The following GSE1 variants were observed in gnomAD, a reference collection of about 807,000 sequenced individuals.
The protein encoded by GSE1 is Gse1 coiled-coil protein.
Under a neutral mutation model 112.6 loss-of-function variants are expected in GSE1, and 32 were observed. That is an observed-to-expected ratio of 0.28 (90% CI 0.21 to 0.38). GSE1 has a LOEUF of 0.38. Among genes scored for constraint, GSE1 ranks in the 10% least tolerant of loss-of-function variants. The probability of loss-of-function intolerance (pLI) is 1.00; values close to 1 mark genes in which losing one functional copy is unlikely to be tolerated. For synonymous variants in GSE1, 1,115 were observed against 735.6 expected (o/e 1.52, Z -8.35); for missense variants, 2,348 against 1,699.2 (o/e 1.38, Z -6.71).
At chr16:85,402,915 CAA>C (rs35895543) in intron 2 of GSE1, among the ~76,000 whole-genome samples, 26 of 142,396 alleles carry the variant, frequency 1.8e-4, no homozygotes, top group Admixed American at 4.1e-4. Context: ...GACCCTGACT[CAA>C]AAAAAAAAAA....
chr16:85,501,192 C>T (rs111892413), intron 2 of GSE1, among the ~76,000 whole-genome samples: 9,633 of 151,468 alleles, frequency 0.064, 642 homozygotes, highest in East Asian at 0.37. Context: ...TTAGTAGAGA[C>T]GGGCTTTCAC....
intron 1 of GSE1, among the ~76,000 whole-genome samples, chr16:85,199,186 A>T (rs1198406719): frequency 6.6e-6 from 1 of 151,884 alleles, no homozygotes; most frequent in Non-Finnish European, 1.5e-5. Context: ...CAACCTCCTG[A>T]CCTCAGATGA....
At chr16:85,477,311 G>T (rs536939258) in intron 2 of GSE1, among the ~76,000 whole-genome samples, 1 of 152,318 alleles carries the variant, frequency 6.6e-6, no homozygotes, top group East Asian at 1.9e-4. Context: ...GAGCTGCTCA[G>T]TGAAGATTCC....
intron 1 of GSE1, among the ~76,000 whole-genome samples, chr16:85,556,920 A>T (rs1567586003): frequency 4.0e-5 from 6 of 151,816 alleles, no homozygotes; most frequent in Non-Finnish European, 4.4e-5. Context: ...GGGGAAGCTC[A>T]GGAGGGTATT....
chr16:85,222,890 T>TA (rs2075418328), intron 1 of GSE1, among the ~76,000 whole-genome samples: 1 of 152,322 alleles, frequency 6.6e-6, no homozygotes, highest in South Asian at 2.1e-4. Context: ...TCTGTTTTCT[T>TA]ACCATTTTAG....
At chr16:85,590,113 C>G (rs1306884769) in intron 1 of GSE1, among the ~76,000 whole-genome samples, 3 of 151,870 alleles carry the variant, frequency 2.0e-5, no homozygotes, top group Admixed American at 6.6e-5. Flanking sequence ...AACATTTGTG[C>G]AATTGAACGT....
chr16:85,186,090 C>G (rs1382039964), intron 1 of GSE1, among the ~76,000 whole-genome samples: 1 of 152,152 alleles, frequency 6.6e-6, no homozygotes, highest in African/African-American at 2.4e-5. Context: ...TTCTATGTCC[C>G]CCTAGGCTTG....
At chr16:85,327,124 A>G (rs1404947961) in intron 1 of GSE1, among the ~76,000 whole-genome samples, 1 of 152,160 alleles carries the variant, frequency 6.6e-6, no homozygotes, top group Non-Finnish European at 1.5e-5. Flanking sequence ...TCCCTGGGCA[A>G]CCTGGGCTTC....
At chr16:85,609,518 C>A (rs1464325457), upstream of GSE1, among the ~76,000 whole-genome samples, 1 of 152,234 alleles carries the variant, frequency 6.6e-6, no homozygotes, top group African/African-American at 2.4e-5. Flanking sequence ...AAAAACCGCC[C>A]ACCCTCTGTG....
chr16:85,414,412 G>A (rs573795749), intron 2 of GSE1, among the ~76,000 whole-genome samples: 20 of 152,174 alleles, frequency 1.3e-4, no homozygotes, highest in Non-Finnish European at 2.4e-4. Flanking sequence ...CTGAAACAGC[G>A]CACACCCTTT....
chr16:85,263,818 C>T (rs577059357), intron 1 of GSE1, among the ~76,000 whole-genome samples: 1 of 152,322 alleles, frequency 6.6e-6, no homozygotes, highest in South Asian at 2.1e-4. Context: ...GGTCATCTGC[C>T]TTCCTCGGCC....
At chr16:85,337,022 A>G in intron 1 of GSE1, among the ~76,000 whole-genome samples, 1 of 152,240 alleles carries the variant, frequency 6.6e-6, no homozygotes, top group South Asian at 2.1e-4. Flanking sequence ...CCACAGGCAC[A>G]TTTGCTATGC....
chr16:85,502,055 G>A (rs900415820), intron 2 of GSE1, among the ~76,000 whole-genome samples: 6 of 152,202 alleles, frequency 3.9e-5, no homozygotes, highest in African/African-American at 1.4e-4. Context: ...GGGAGGAGGG[G>A]AGTGGGTGTC....
intron 2 of GSE1, among the ~76,000 whole-genome samples, chr16:85,644,077 C>T (rs1024911490): frequency 6.6e-6 from 1 of 152,170 alleles, no homozygotes. Context: ...CCTGTAATCC[C>T]AGCACTGTGG....
intron 2 of GSE1, among the ~76,000 whole-genome samples, chr16:85,445,213 G>A (rs942591467): frequency 6.6e-6 from 1 of 152,232 alleles, no homozygotes; most frequent in Non-Finnish European, 1.5e-5. Context: ...CTTGCTGCTT[G>A]CTCTCCTCTC....
chr16:85,661,706 G>T lies in GSE1; in HGVS notation c.2201G>T (p.Arg734Leu). 1 of 1,598,346 alleles carries T rather than the reference G, an allele frequency of 6.3e-7. No individual in the cohort carries two copies. The highest frequency in any genetic ancestry group is 2.3e-5 in the East Asian group (1 of 44,322). The change falls in exon 9 of 16, where the codon CGG (arginine) becomes CTG (leucine). Residue 734 changes from arginine (R) to leucine (L), a missense_variant. Transcript: ENST00000253458. ...TATGATGAGTTCCTGCAGCAGCGCC[G>T]GAGGCTGGTCAGCAAGCTGGACCTG... is the stretch of plus-strand genomic sequence containing the variant. ...YIYDEFLQQR[R>L]RLVSKLDLEE... is the part of the protein sequence containing the mutation.
At chr16:85,631,701 T>C (rs1274572396) in intron 1 of GSE1, among the ~76,000 whole-genome samples, 2 of 152,340 alleles carry the variant, frequency 1.3e-5, no homozygotes, top group East Asian at 3.9e-4. Flanking sequence ...AGTTACCCCA[T>C]TATGCTCAGG....
chr16:85,316,774 G>A (rs1371316107), intron 1 of GSE1, among the ~76,000 whole-genome samples: 1 of 152,228 alleles, frequency 6.6e-6, no homozygotes, highest in Non-Finnish European at 1.5e-5. Context: ...TATTTCCTGT[G>A]TGTCTTGGGA....
At position 85,657,572 on chromosome 16, in the gene GSE1, G is replaced by A. The variant is rs373267849; in HGVS notation, c.1608G>A (p.Ala536=). The A allele has an allele frequency of 4.6e-5, 72 of 1,568,542 alleles. 1 individual carries two copies. Among genetic ancestry groups the A allele is most frequent in the South Asian group, 2.9e-4 (24 of 84,054 alleles). ...ATATGGGCCGGCCCCCGGTGCCGGC[G>A]GAGGCAGAGCACAGGCCGGAGAGCA... ...HLDMGRPPVP[A]EAEHRPESTT... The change falls in exon 8 of 16, where the codon GCG becomes GCA. Residue 536 remains alanine (A), a synonymous_variant. Transcript: ENST00000253458.
Sources: allele counts gnomAD v4.1 joint callset (sites outside exome capture counted in the v4.1 genomes callset), GRCh38; gene constraint gnomAD v4.1.1; transcripts MANE v1.5; gene names NCBI Gene and HGNC (gene_info 2026-07-23, HGNC 2026-07-21).